The following FLRT1 variants were observed in gnomAD, a reference collection of about 807,000 sequenced individuals.
FLRT1 encodes the protein fibronectin leucine rich transmembrane protein 1.
FLRT1 carries 14 observed loss-of-function variants against 30.9 expected under a neutral mutation model. The ratio of observed to expected loss-of-function variants is 0.45; its 90% CI spans 0.30 to 0.71. FLRT1 has a LOEUF of 0.71. FLRT1 is among the 30% of genes least tolerant of loss of function. The pLI, the probability that FLRT1 is intolerant of heterozygous loss-of-function variation, is 0.08. For synonymous variants in FLRT1, 368 were observed against 430.4 expected, an observed-to-expected ratio of 0.85 and a Z score of 1.80; for missense variants, 737 against 949.2, an observed-to-expected ratio of 0.78 and a Z score of 2.94.
intron 1 of FLRT1, among the ~76,000 whole-genome samples, chr11:64,088,909 G>C (rs967086455): frequency 3.9e-5 from 6 of 152,140 alleles, no homozygotes; most frequent in African/African-American, 1.4e-4. Flanking sequence ...CAAAGTCATG[G>C]GCGGGGTTAG....
chr11:64,071,331 C>T (rs1944103959), intron 1 of FLRT1, among the ~76,000 whole-genome samples: 1 of 152,110 alleles, frequency 6.6e-6, no homozygotes, highest in South Asian at 2.1e-4. Context: ...GGATCCCAGA[C>T]CTGCGGTCTC....
chr11:64,073,470 G>A (rs938688574), intron 1 of FLRT1, among the ~76,000 whole-genome samples: 3 of 152,226 alleles, frequency 2.0e-5, no homozygotes, highest in Admixed American at 6.5e-5. Context: ...CCTGTCAGGT[G>A]GACAGCATGA....
At chr11:64,091,626 TC>T in intron 1 of FLRT1, among the ~76,000 whole-genome samples, 1 of 151,966 alleles carries the variant, frequency 6.6e-6, no homozygotes, top group East Asian at 1.9e-4. Flanking sequence ...GCCGCCACCA[TC>T]CCCCCATCCG....
At chr11:64,046,868 C>T (rs1364444738) in intron 1 of FLRT1, among the ~76,000 whole-genome samples, 1 of 152,214 alleles carries the variant, frequency 6.6e-6, no homozygotes, top group South Asian at 2.1e-4. Flanking sequence ...TGCCTCTCCC[C>T]ATCCTCTAGC....
chr11:64,111,444 C>G (rs1197179196), intron 2 of FLRT1, among the ~76,000 whole-genome samples: 1 of 152,240 alleles, frequency 6.6e-6, no homozygotes, highest in Non-Finnish European at 1.5e-5. Context: ...GTGCTACCTA[C>G]CTGCTCATAA....
intron 1 of FLRT1, among the ~76,000 whole-genome samples, chr11:64,091,898 C>T (rs1244199187): frequency 2.0e-5 from 3 of 152,336 alleles, no homozygotes; most frequent in Admixed American, 6.5e-5. Flanking sequence ...CATCTGGCCA[C>T]TCTTCTCTGT....
chr11:64,058,245 C>T (rs1213095994), intron 1 of FLRT1, among the ~76,000 whole-genome samples: 1 of 152,240 alleles, frequency 6.6e-6, no homozygotes, highest in African/African-American at 2.4e-5. Context: ...GTAACCTGCT[C>T]CTGCCCCGAG....
chr11:64,081,933 A>T (rs927118495), intron 1 of FLRT1: 1 of 152,146 alleles, frequency 6.6e-6, no homozygotes, highest in African/African-American at 2.4e-5. Flanking sequence ...CCGGCTCTCG[A>T]GTGCCGCGTT....
At chr11:64,099,249 C>A (rs1042414110) in intron 1 of FLRT1, among the ~76,000 whole-genome samples, 1 of 152,222 alleles carries the variant, frequency 6.6e-6, no homozygotes, top group Admixed American at 6.5e-5. Flanking sequence ...CTGGGCAAGG[C>A]GGGGCTCTTG....
At chr11:64,037,314 C>A (rs1301057983) in intron 1 of FLRT1, among the ~76,000 whole-genome samples, 1 of 152,034 alleles carries the variant, frequency 6.6e-6, no homozygotes, top group African/African-American at 2.4e-5. Flanking sequence ...GGCTGAGGCA[C>A]CCTGTCTCTG....
intron 1 of FLRT1, among the ~76,000 whole-genome samples, chr11:64,084,759 C>T (rs1944365182): frequency 6.6e-6 from 1 of 152,178 alleles, no homozygotes; most frequent in Admixed American, 6.5e-5. Flanking sequence ...CCTTGGTGAC[C>T]CCAGCATTCT....
chr11:64,037,327 C>A (rs974954002), intron 1 of FLRT1, among the ~76,000 whole-genome samples: 22 of 152,164 alleles, frequency 1.4e-4, no homozygotes, highest in African/African-American at 5.1e-4. Context: ...TGTCTCTGCC[C>A]GGCGGCCGCG....
chr11:64,113,657 A>C (rs1469834696), intron 2 of FLRT1, among the ~76,000 whole-genome samples: 1 of 117,968 alleles, frequency 8.5e-6, no homozygotes, highest in East Asian at 2.9e-4. Context: ...ATGGGCAGAC[A>C]GGTGGATGCA....
rs112848802 is a variant in FLRT1 at position 64,036,683 on chromosome 11, T to A, written c.-1038+524T>A. On this transcript the variant is annotated intron_variant, in intron 1 of 2. Transcript: ENST00000682287. This position sits in a 1 kb window ranked among gnomAD's most constrained non-coding sequence, Gnocchi z 5.6. Reference sequence around the variant, plus strand: ...TTTTAAAACGACTTCAAGGGGGGCATGAGCAGCCTCCAACTTCCCTCCCTG... The same window carrying A: ...TTTTAAAACGACTTCAAGGGGGGCAAGAGCAGCCTCCAACTTCCCTCCCTG... Among the ~76,000 whole-genome samples, 1,616 of 151,988 alleles carry A rather than the reference T, an allele frequency of 0.011. 28 individuals are homozygous for A. Among genetic ancestry groups the A allele is most frequent in the African/African-American group, 0.036 (1,486 of 41,456 alleles).
At chr11:64,115,906 A>G (rs1000270937) in intron 2 of FLRT1, among the ~76,000 whole-genome samples, 7 of 152,216 alleles carry the variant, frequency 4.6e-5, no homozygotes, top group African/African-American at 1.7e-4. Flanking sequence ...CTCTCACTAA[A>G]TTAACCTCCC....
intron 1 of FLRT1, among the ~76,000 whole-genome samples, chr11:64,086,413 C>T (rs1246265825): frequency 6.6e-6 from 1 of 152,024 alleles, no homozygotes; most frequent in Non-Finnish European, 1.5e-5. Flanking sequence ...AACATTCCCT[C>T]CCCACCCCCA....
intron 1 of FLRT1, among the ~76,000 whole-genome samples, chr11:64,101,813 G>C (rs1467193843): frequency 1.3e-5 from 2 of 152,112 alleles, no homozygotes; most frequent in Non-Finnish European, 2.9e-5. Context: ...ATTCAGAATC[G>C]ATGTCCCGTG....
chr11:64,110,739 C>T (rs551969665), intron 2 of FLRT1, among the ~76,000 whole-genome samples: 5 of 152,178 alleles, frequency 3.3e-5, no homozygotes, highest in East Asian at 1.9e-4. Context: ...GAGGGATCCA[C>T]GCAAGGGCGA....
rs749527475 is a variant in FLRT1, at chr11:64,118,051, G to A, written c.1784G>A (p.Arg595Lys). ...GAGAGGGCCTACAACCGGGGCAGCA[G>A]GAAAAAGGATGACTATATGGAGTCA... ...TRERAYNRGS[R>K]KKDDYMESGT... Residue 595 changes from arginine (R) to lysine (K), a missense_variant, in exon 3 of 3, where the codon AGG becomes AAG. Coordinates refer to ENST00000682287, the MANE Select transcript of FLRT1 (RefSeq NM_013280.5). 2.5e-6 allele frequency: 4 copies of A among 1,613,456 alleles called. No homozygotes were observed. Among genetic ancestry groups the A allele is most frequent in the African/African-American group, 1.3e-5 (1 of 75,046 alleles).
Sources: allele counts gnomAD v4.1 joint callset (sites outside exome capture counted in the v4.1 genomes callset), GRCh38; gene constraint gnomAD v4.1.1; non-coding constraint Gnocchi (gnomAD v3.1); transcripts MANE v1.5; gene names NCBI Gene and HGNC (gene_info 2026-07-23, HGNC 2026-07-21).